Variants in STK39 observed in about 807,000 individuals in gnomAD.
The protein encoded by STK39 is serine/threonine kinase 39, also known as STE20/SPS1-related proline-alanine-rich protein kinase.
In STK39, 20 loss-of-function variants were observed where a neutral mutation model predicts 77.8. That is an observed-to-expected ratio of 0.26 (90% CI 0.18 to 0.37). The LOEUF is 0.37. Among genes scored for constraint, STK39 ranks in the 10% least tolerant of loss-of-function variants. The pLI is 1.00. For missense variants in STK39, 479 were observed against 656.5 expected, an observed-to-expected ratio of 0.73 and a Z score of 2.95; for synonymous variants, 246 against 234.1, an observed-to-expected ratio of 1.05 and a Z score of -0.47.
At chr2:168,246,895 C>CG (rs1377401539) in intron 1 of STK39, among the ~76,000 whole-genome samples, 1 of 151,720 alleles carries the variant, frequency 6.6e-6, no homozygotes, top group Non-Finnish European at 1.5e-5. Flanking sequence ...TCCCGGCACG[C>CG]GGGGGGAGGA....
intron 14 of STK39, among the ~76,000 whole-genome samples, chr2:168,022,856 C>T (rs904823009): frequency 7.9e-5 from 12 of 152,170 alleles, no homozygotes; most frequent in Non-Finnish European, 1.5e-4. Flanking sequence ...AATAAAGCCA[C>T]AGAAACCTAA....
intron 12 of STK39, among the ~76,000 whole-genome samples, chr2:168,065,764 A>C (rs966955806): frequency 6.6e-6 from 1 of 152,216 alleles, no homozygotes; most frequent in Non-Finnish European, 1.5e-5. Flanking sequence ...AATTTCATCT[A>C]AGGTTAACGG....
chr2:168,241,170 G>C (rs1320116981), intron 1 of STK39, among the ~76,000 whole-genome samples: 3 of 152,228 alleles, frequency 2.0e-5, no homozygotes, highest in Non-Finnish European at 4.4e-5. Context: ...TAAGAGACAG[G>C]CTTGAGAATA....
intron 10 of STK39, among the ~76,000 whole-genome samples, chr2:168,102,208 C>T (rs751659089): frequency 6.6e-6 from 1 of 151,756 alleles, no homozygotes; most frequent in Non-Finnish European, 1.5e-5. Context: ...GGGCCATATG[C>T]TAACCTTCTG....
At chr2:168,030,948 A>C (rs1473801031) in intron 14 of STK39, among the ~76,000 whole-genome samples, 2 of 152,266 alleles carry the variant, frequency 1.3e-5, no homozygotes, top group African/African-American at 2.4e-5. Context: ...ACTTGCCAGG[A>C]GACCGGATGA....
At chr2:167,965,993 C>T (rs1320509739) in intron 16 of STK39, among the ~76,000 whole-genome samples, 1 of 152,168 alleles carries the variant, frequency 6.6e-6, no homozygotes, top group Admixed American at 6.5e-5. Flanking sequence ...TGGCCTATTT[C>T]TCTTTATAAA....
At chr2:168,143,304 CACT>C (rs1440854578) in intron 5 of STK39, among the ~76,000 whole-genome samples, 3 of 152,194 alleles carry the variant, frequency 2.0e-5, no homozygotes, top group African/African-American at 4.8e-5. Context: ...TTTAATCCAC[CACT>C]ACTTCTTGCT....
At chr2:168,161,251 G>A (rs998493836) in intron 5 of STK39, among the ~76,000 whole-genome samples, 3 of 152,158 alleles carry the variant, frequency 2.0e-5, no homozygotes, top group African/African-American at 7.2e-5. Flanking sequence ...CTTTGAACAC[G>A]AAAGGTGCTC....
intron 1 of STK39, among the ~76,000 whole-genome samples, chr2:168,242,942 C>A (rs1690807387): frequency 6.6e-6 from 1 of 150,590 alleles, no homozygotes; most frequent in Admixed American, 6.6e-5. Flanking sequence ...ATACATTTTT[C>A]TATTTATTAA....
At chr2:168,169,579 G>A (rs7585865) in intron 2 of STK39, among the ~76,000 whole-genome samples, 65,099 of 151,406 alleles carry the variant, frequency 0.43, 15,981 homozygotes, top group East Asian at 0.77. Flanking sequence ...GCATTTAGAT[G>A]GCCAGTATCA....
intron 1 of STK39, among the ~76,000 whole-genome samples, chr2:168,200,124 T>A (rs1398413597): frequency 6.6e-6 from 1 of 152,206 alleles, no homozygotes; most frequent in Admixed American, 6.5e-5. Flanking sequence ...ATCTCTCTCT[T>A]GAACATTAAA....
intron 10 of STK39, among the ~76,000 whole-genome samples, chr2:168,106,694 C>T (rs773726546): frequency 1.6e-4 from 25 of 151,998 alleles, no homozygotes; most frequent in Admixed American, 5.9e-4. Flanking sequence ...TGGTGGTGCG[C>T]ATCTGTAGTC....
chr2:168,203,001 G>A (rs6728947), intron 1 of STK39, among the ~76,000 whole-genome samples: 20 of 152,118 alleles, frequency 1.3e-4, no homozygotes, highest in African/African-American at 4.6e-4. Flanking sequence ...TCTATCAGTA[G>A]AACAGCGTTT....
At chr2:168,058,452 C>G (rs963213360) in intron 14 of STK39, among the ~76,000 whole-genome samples, 4 of 152,150 alleles carry the variant, frequency 2.6e-5, no homozygotes, top group African/African-American at 9.7e-5. Flanking sequence ...TAGATGATTC[C>G]ACTCATTTCA....
At chr2:168,237,825 C>T (rs530134218) in intron 1 of STK39, among the ~76,000 whole-genome samples, 8 of 152,206 alleles carry the variant, frequency 5.3e-5, no homozygotes, top group Admixed American at 3.9e-4. Context: ...TACCACTTCT[C>T]ACTTAGGAAC....
intron 2 of STK39, among the ~76,000 whole-genome samples, chr2:168,175,997 T>C (rs550945912): frequency 6.6e-6 from 1 of 152,310 alleles, no homozygotes; most frequent in East Asian, 1.9e-4. Flanking sequence ...ATATCCTTAA[T>C]ATAAAAAACT....
intron 14 of STK39, among the ~76,000 whole-genome samples, chr2:168,047,083 A>AT (rs1685263979): frequency 6.6e-6 from 1 of 152,200 alleles, no homozygotes; most frequent in Non-Finnish European, 1.5e-5. Context: ...TAGCCCTGAT[A>AT]TTTTTTAAGT....
chr2:167,993,466 C>A (rs1052917781), intron 16 of STK39, among the ~76,000 whole-genome samples: 20 of 152,136 alleles, frequency 1.3e-4, no homozygotes, highest in Admixed American at 5.2e-4. Flanking sequence ...GCGGGAGGAT[C>A]GCTTGAGGCC....
intron 14 of STK39, among the ~76,000 whole-genome samples, chr2:168,023,366 A>C (rs1176624795): frequency 5.9e-5 from 9 of 151,558 alleles, no homozygotes; most frequent in Non-Finnish European, 1.2e-4. Flanking sequence ...TCTTCAAGTG[A>C]CACAACGAAC....
Sources: allele counts gnomAD v4.1 joint callset (sites outside exome capture counted in the v4.1 genomes callset), GRCh38; gene constraint gnomAD v4.1.1; transcripts MANE v1.5; gene names NCBI Gene and HGNC (gene_info 2026-07-23, HGNC 2026-07-21).